Variants in APBA2 observed in about 807,000 individuals in gnomAD.
APBA2 encodes amyloid beta precursor protein binding family A member 2.
Under a neutral mutation model 75.0 loss-of-function variants are expected in APBA2, and 30 were observed. That is an observed-to-expected ratio of 0.40 (90% CI 0.30 to 0.54). APBA2 has a LOEUF of 0.54. APBA2 is among the 20% of genes least tolerant of loss of function. APBA2 has a pLI of 0.49. For synonymous variants in APBA2, 444 were observed against 409.6 expected, an observed-to-expected ratio of 1.08 and a Z score of -1.01; for missense variants, 801 against 1,016.1, an observed-to-expected ratio of 0.79 and a Z score of 2.88.
At chr15:29,065,024 T>C (rs1366117312) in intron 4 of APBA2, among the ~76,000 whole-genome samples, 3 of 152,056 alleles carry the variant, frequency 2.0e-5, no homozygotes, top group Non-Finnish European at 4.4e-5. Context: ...TGTGTGTGTG[T>C]GTGCACGCAC....
In APBA2 at chr15:28,974,529, T is replaced by C. The variant is rs150578031; in HGVS notation, c.-94-21224T>C. 3.7e-4 allele frequency among the ~76,000 whole-genome samples: 56 copies of C among 152,288 alleles called. 1 individual carries two copies. The East Asian group carries it at 0.01, about 28-fold the overall frequency. ...TGGAACACTTAGGAAAGTTGACATATATTAGCTTACAAAGACAACCTCAAT... is the reference window on the plus strand; with the variant it reads ...TGGAACACTTAGGAAAGTTGACATACATTAGCTTACAAAGACAACCTCAAT... On this transcript the variant is annotated intron_variant, in intron 2 of 14. Transcript: ENST00000683413.
rs10604525 is a variant in APBA2 at position 29,023,441 on chromosome 15, C to CTTTTTTTTTTTTTTT, written c.-41+27653_-41+27667dup. On this transcript the variant is annotated intron_variant, in intron 3 of 14. Coordinates refer to ENST00000683413, the MANE Select transcript of APBA2 (RefSeq NM_001353788.2). ...ATTTGATGGCCATTATACCTTTTTCCTTTTTTTTTTTTTTTTTTTTTTTTT... is the reference window on the plus strand; with the variant it reads ...ATTTGATGGCCATTATACCTTTTTCCTTTTTTTTTTTTTTTTTTTTTTTTTTTTTTTTTTTTTTTT... Among the ~76,000 whole-genome samples the CTTTTTTTTTTTTTTT allele has an allele frequency of 2.0e-4, 15 of 73,302 alleles. 2 individuals carry two copies. The highest frequency in any genetic ancestry group is 3.8e-4 in the African/African-American group (6 of 16,000). The allele number at this position is 73,302 out of a possible 152,430, so 48.1% of individuals were successfully genotyped here.
chr15:28,894,313 T>C (rs547504300), intron 1 of APBA2, among the ~76,000 whole-genome samples: 1 of 152,180 alleles, frequency 6.6e-6, no homozygotes, highest in Non-Finnish European at 1.5e-5. Context: ...CCAGCTTTCT[T>C]GTTCCCAGTT....
At chr15:29,015,892 C>T (rs932844464) in intron 3 of APBA2, among the ~76,000 whole-genome samples, 3 of 152,158 alleles carry the variant, frequency 2.0e-5, no homozygotes, top group African/African-American at 7.2e-5. Flanking sequence ...TTGGCCACTG[C>T]CCCCTGGCCC....
intron 2 of APBA2, among the ~76,000 whole-genome samples, chr15:28,936,270 T>C (rs2034864333): frequency 6.6e-6 from 1 of 152,216 alleles, no homozygotes. Context: ...ATAGAAGCCA[T>C]GGTCCATTCA....
rs138675938 is a variant in APBA2 at position 29,050,838 on chromosome 15, G to A, written c.-40-3007G>A. Among the ~76,000 whole-genome samples the A allele has an allele frequency of 2.1e-4, 32 of 152,334 alleles. No homozygotes were observed. In the East Asian group the frequency reaches 6.2e-3, roughly 29 times the overall value. ...TTTAGTTTGTTCTCTTAACAAGGAT[G>A]TGCATACCTTCAACGTGCACAGCTT... On this transcript the variant is annotated intron_variant, in intron 3 of 14. Transcript: ENST00000683413.
chr15:28,971,706 G>A (rs2152752881), intron 2 of APBA2, among the ~76,000 whole-genome samples: 1 of 152,184 alleles, frequency 6.6e-6, no homozygotes, highest in South Asian at 2.1e-4. Flanking sequence ...TGGAAGAAGA[G>A]GAAAATCTCT....
intron 8 of APBA2, among the ~76,000 whole-genome samples, chr15:29,096,318 T>C (rs550757841): frequency 1.3e-5 from 2 of 152,296 alleles, no homozygotes; most frequent in East Asian, 3.9e-4. Context: ...ACTGATGGGT[T>C]TTCCACTGGA....
chr15:29,012,311 A>G (rs1366206093), intron 3 of APBA2, among the ~76,000 whole-genome samples: 2 of 152,184 alleles, frequency 1.3e-5, no homozygotes, highest in African/African-American at 4.8e-5. Context: ...ACAATTTTGA[A>G]GAGTAGTGGT....
chr15:29,049,059 G>T (rs913556040), intron 3 of APBA2, among the ~76,000 whole-genome samples: 3 of 152,182 alleles, frequency 2.0e-5, no homozygotes, highest in African/African-American at 7.2e-5. Context: ...GAGATGGTTG[G>T]TCACTGTAAA....
intron 2 of APBA2, among the ~76,000 whole-genome samples, chr15:28,973,546 A>G (rs1425011797): frequency 1.3e-5 from 2 of 152,206 alleles, no homozygotes; most frequent in African/African-American, 2.4e-5. Context: ...TGTATGCCAC[A>G]TAGCAGGGGA....
At chr15:28,939,330 T>G (rs2035055835) in intron 2 of APBA2, among the ~76,000 whole-genome samples, 1 of 152,196 alleles carries the variant, frequency 6.6e-6, no homozygotes, top group Admixed American at 6.5e-5. Flanking sequence ...GGTGTACAGA[T>G]GTCTCCCTGA....
intron 10 of APBA2, among the ~76,000 whole-genome samples, chr15:29,102,918 C>T (rs2044200820): frequency 6.6e-6 from 1 of 151,044 alleles, no homozygotes; most frequent in African/African-American, 2.4e-5. Context: ...GGGTTCAAAC[C>T]TTTGGCTGGC....
intron 1 of APBA2, among the ~76,000 whole-genome samples, chr15:28,898,717 C>G (rs910845039): frequency 1.3e-5 from 2 of 152,118 alleles, no homozygotes; most frequent in Non-Finnish European, 2.9e-5. Context: ...AAAAACAGAG[C>G]AGTTCATGAT....
intron 12 of APBA2, among the ~76,000 whole-genome samples, chr15:29,107,971 G>A (rs1040180160): frequency 6.6e-6 from 1 of 152,166 alleles, no homozygotes; most frequent in Non-Finnish European, 1.5e-5. Flanking sequence ...CTGCCCAGTG[G>A]CACTCAGAAC....
chr15:29,033,396 G>C (rs962838601), intron 3 of APBA2, among the ~76,000 whole-genome samples: 1 of 152,074 alleles, frequency 6.6e-6, no homozygotes, highest in Non-Finnish European at 1.5e-5. Flanking sequence ...TTAAACCCCT[G>C]ATTCAAAACC....
At chr15:28,915,233 A>G (rs2033630837) in intron 1 of APBA2, among the ~76,000 whole-genome samples, 2 of 142,756 alleles carry the variant, frequency 1.4e-5, no homozygotes, top group African/African-American at 5.2e-5. Flanking sequence ...TACCACACAT[A>G]CCCCATATAT....
chr15:29,006,668 C>T (rs571936850), intron 3 of APBA2, among the ~76,000 whole-genome samples: 87 of 152,240 alleles, frequency 5.7e-4, no homozygotes, highest in Non-Finnish European at 9.7e-4. Flanking sequence ...GGGGAACTCT[C>T]ATTTATAAAA....
chr15:29,045,625 A>G (rs2041285970), intron 3 of APBA2, among the ~76,000 whole-genome samples: 1 of 152,198 alleles, frequency 6.6e-6, no homozygotes, highest in African/African-American at 2.4e-5. Flanking sequence ...TGCTTACCGC[A>G]TGTTAAAAGA....
Sources: allele counts gnomAD v4.1 joint callset (sites outside exome capture counted in the v4.1 genomes callset), GRCh38; gene constraint gnomAD v4.1.1; transcripts MANE v1.5; gene names NCBI Gene and HGNC (gene_info 2026-07-23, HGNC 2026-07-21).